C17orf99: variants seen among roughly 807,000 people sequenced by gnomAD.
The protein encoded by C17orf99 is chromosome 17 open reading frame 99.
In C17orf99, 18 loss-of-function variants were observed where a neutral mutation model predicts 22.6. The observed-to-expected ratio is 0.80, with a 90% CI of 0.55 to 1.18. C17orf99 has a LOEUF of 1.18. Among genes scored for constraint, C17orf99 ranks in the 50% most tolerant of loss-of-function variants. C17orf99 has a pLI of 0.00. For missense variants in C17orf99, 328 were observed against 342.7 expected (o/e 0.96, Z 0.34); for synonymous variants, 147 against 136.6 (o/e 1.08, Z -0.53).
intron 2 of C17orf99, chr17:78,157,583 G>A: frequency 1.6e-6 from 1 of 615,996 alleles, no homozygotes; most frequent in South Asian, 1.7e-5. Context: ...CGGATCACAA[G>A]GTCAGGAGAT....
intron 2 of C17orf99, among the ~76,000 whole-genome samples, chr17:78,151,836 G>A (rs1467710294): frequency 6.6e-6 from 1 of 152,200 alleles, no homozygotes; most frequent in Non-Finnish European, 1.5e-5. Flanking sequence ...ACGGACGGCG[G>A]CTTATTCAAA....
At chr17:78,155,730 G>A (rs947734556) in intron 2 of C17orf99, among the ~76,000 whole-genome samples, 35 of 152,160 alleles carry the variant, frequency 2.3e-4, no homozygotes, top group African/African-American at 8.2e-4. Flanking sequence ...GGGTTCAAGT[G>A]ATTCTCTGGC....
intron 2 of C17orf99, among the ~76,000 whole-genome samples, chr17:78,152,365 C>T (rs2075490799): frequency 6.7e-6 from 1 of 148,174 alleles, no homozygotes; most frequent in African/African-American, 2.5e-5. Context: ...GACAGGGTCT[C>T]ACTTTGTCAC....
Position 78,164,294 on chromosome 17 carries a change from G to A in C17orf99, c.570G>A (p.Ser190=), listed in dbSNP as rs1444390906. The change falls in exon 4 of 5, where the codon TCG becomes TCA. Residue 190 remains serine, a synonymous_variant. Transcript: ENST00000340363. ...ANFSFLPSQT[S]DWFWCQAANN... ...TCTCCTTCCTGCCGAGCCAGACATC[G>A]GACTGGTTCTGGTGCCAGGCTGCAA... is the stretch of plus-strand genomic sequence containing the variant. 6.4e-7 allele frequency: 1 copy of A among 1,551,582 alleles called. No individual in the cohort carries two copies. The highest frequency in any genetic ancestry group is 8.7e-7 in the Non-Finnish European group (1 of 1,147,012).
intron 2 of C17orf99, among the ~76,000 whole-genome samples, chr17:78,148,660 G>A (rs773837581): frequency 2.0e-5 from 3 of 152,158 alleles, no homozygotes; most frequent in Non-Finnish European, 4.4e-5. Flanking sequence ...GTGCAGCAAG[G>A]ACCCGAAGGA....
chr17:78,157,984 T>A, intron 2 of C17orf99: 1 of 1,288,366 alleles, frequency 7.8e-7, no homozygotes. Flanking sequence ...ATAACATGGA[T>A]GTCCCCAGCA....
At chr17:78,162,549 T>C (rs1460335536) in intron 3 of C17orf99, among the ~76,000 whole-genome samples, 1 of 152,018 alleles carries the variant, frequency 6.6e-6, no homozygotes, top group East Asian at 1.9e-4. Flanking sequence ...GCCCAGGATC[T>C]GCAGCCCAAC....
chr17:78,152,433 C>T (rs1052800321), intron 2 of C17orf99, among the ~76,000 whole-genome samples: 5 of 151,484 alleles, frequency 3.3e-5, no homozygotes, highest in Admixed American at 2.0e-4. Context: ...CTTCCAGGTT[C>T]AAGAGATCCT....
chr17:78,161,396 C>T, intron 3 of C17orf99, 142 bp downstream of exon 3: 1 of 725,860 alleles, frequency 1.4e-6, no homozygotes, highest in Non-Finnish European at 2.2e-6. Context: ...GCTGCCACCT[C>T]CAAGGCCATT....
At chr17:78,153,694 G>A (rs1054873411) in intron 2 of C17orf99, among the ~76,000 whole-genome samples, 1 of 152,004 alleles carries the variant, frequency 6.6e-6, no homozygotes, top group African/African-American at 2.4e-5. Context: ...AGCCCTGGAC[G>A]CCCACTTCCC....
chr17:78,148,789 T>C (rs57756049), intron 2 of C17orf99, among the ~76,000 whole-genome samples: 1,605 of 152,226 alleles, frequency 0.011, 22 homozygotes, highest in African/African-American at 0.036. Context: ...GGGAGGGCCC[T>C]GTGGGGCGCA....
intron 3 of C17orf99, among the ~76,000 whole-genome samples, chr17:78,162,886 A>T (rs1158783145): frequency 1.2e-4 from 19 of 152,262 alleles, no homozygotes; most frequent in South Asian, 2.1e-4. Context: ...CCCAGATTCA[A>T]GCGATTCTCC....
At chr17:78,154,999 T>G (rs1308596444) in intron 2 of C17orf99, among the ~76,000 whole-genome samples, 1 of 151,912 alleles carries the variant, frequency 6.6e-6, no homozygotes, top group Non-Finnish European at 1.5e-5. Flanking sequence ...TAGACCAGAG[T>G]TGTCAACCTC....
At chr17:78,148,718 C>T (rs1377760132) in intron 2 of C17orf99, among the ~76,000 whole-genome samples, 1 of 152,104 alleles carries the variant, frequency 6.6e-6, no homozygotes, top group East Asian at 1.9e-4. Flanking sequence ...GTGGCCAGAA[C>T]ACAGGAAGCA....
chr17:78,165,229 T>C, intron 4 of C17orf99: 6 of 989,368 alleles, frequency 6.1e-6, no homozygotes, highest in Non-Finnish European at 6.0e-6. Context: ...CTCTGTGAAC[T>C]CATCTCTCTT....
intron 4 of C17orf99, chr17:78,165,486 C>T: frequency 1.0e-6 from 1 of 986,158 alleles, no homozygotes. Flanking sequence ...TGCTGGGGCA[C>T]TGATGTGCTT....
At chr17:78,151,283 G>C (rs1291274421) in intron 2 of C17orf99, among the ~76,000 whole-genome samples, 1 of 151,728 alleles carries the variant, frequency 6.6e-6, no homozygotes, top group Non-Finnish European at 1.5e-5. Flanking sequence ...CAATCAGCCA[G>C]GTATGGTGGT....
rs767102225 is a variant in C17orf99 at position 78,164,680 on chromosome 17, G to A, written c.640+316G>A. 44 of 1,415,650 alleles carry A rather than the reference G, an allele frequency of 3.1e-5. 1 individual carries two copies. Among genetic ancestry groups the A allele is most frequent in the East Asian group, 2.0e-4 (6 of 29,804 alleles). The allele number at this position is 1,415,650 out of a possible 1,614,324, so 87.7% of individuals were successfully genotyped here. On this transcript the variant is annotated intron_variant, in intron 4 of 4. Coordinates refer to ENST00000340363, the MANE Select transcript of C17orf99 (RefSeq NM_001163075.2). ...TGGGCCAGGTAGGAAATGGGTGCTC[G>A]ATGCAGGGAGGAGGGAGAGCTGCTG... is the stretch of plus-strand genomic sequence containing the variant.
At chr17:78,165,507 A>G in intron 4 of C17orf99, 1 of 986,892 alleles carries the variant, frequency 1.0e-6, no homozygotes, top group Non-Finnish European at 1.2e-6. Context: ...GGCACCATAA[A>G]ACTCCCAGAG....
Sources: gnomAD v4.1 joint callset for allele counts (sites outside exome capture counted in the v4.1 genomes callset) on GRCh38, gnomAD v4.1.1 for gene constraint, MANE v1.5 for transcripts, NCBI Gene and HGNC (gene_info 2026-07-23, HGNC 2026-07-21) for gene names.